MOB1B: variants seen among roughly 807,000 people sequenced by gnomAD.
MOB1B encodes MOB1 Mps One Binder homolog B.
Under a neutral mutation model 24.4 loss-of-function variants are expected in MOB1B, and 19 were observed. That is an observed-to-expected ratio of 0.78 (90% CI 0.54 to 1.14). MOB1B has a LOEUF of 1.14. Ranked by LOEUF, MOB1B falls within the 50% of genes most tolerant of loss-of-function variation. The pLI, the probability that MOB1B is intolerant of heterozygous loss-of-function variation, is 0.00. For synonymous variants in MOB1B, 76 were observed against 82.1 expected (o/e 0.93, Z 0.40); for missense variants, 243 against 259.6 (o/e 0.94, Z 0.44).
At chr4:70,919,349 T>G (rs1476318696) in intron 1 of MOB1B, among the ~76,000 whole-genome samples, 2 of 152,028 alleles carry the variant, frequency 1.3e-5, no homozygotes, top group Non-Finnish European at 2.9e-5. Context: ...AAACTGAAGT[T>G]TGATTTTGGA....
intron 1 of MOB1B, among the ~76,000 whole-genome samples, chr4:70,935,857 T>TA (rs1737062658): frequency 7.1e-6 from 1 of 141,384 alleles, no homozygotes; most frequent in Non-Finnish European, 1.5e-5. Flanking sequence ...ATTTTTTTTT[T>TA]TTTTTTTTTT....
rs1176972712 is a variant in MOB1B, at chr4:70,987,926, G to C, written c.*5869G>C. The C allele has an allele frequency of 6.6e-6, 1 of 152,578 alleles. No homozygotes were observed. The highest frequency in any genetic ancestry group is 1.5e-5 in the Non-Finnish European group (1 of 68,016). 9.5% of individuals were successfully genotyped at this position (152,578 alleles called of 1,614,324 possible). On this transcript the variant is annotated 3_prime_UTR_variant, in exon 6 of 6. Coordinates refer to ENST00000309395, the MANE Select transcript of MOB1B (RefSeq NM_173468.4). ...CAACATAGGCGCTATATTACAAACT[G>C]TGCCGGATTATGCAAATTGTAGTTG...
intron 1 of MOB1B, among the ~76,000 whole-genome samples, chr4:70,917,780 T>C (rs1736252583): frequency 6.6e-6 from 1 of 152,244 alleles, no homozygotes; most frequent in Non-Finnish European, 1.5e-5. Flanking sequence ...AATGTTTAAA[T>C]GGCCCATCAG....
At chr4:70,910,383 C>A (rs191660926) in intron 1 of MOB1B, among the ~76,000 whole-genome samples, 3 of 151,574 alleles carry the variant, frequency 2.0e-5, no homozygotes, top group African/African-American at 7.3e-5. Context: ...AAAATTATAT[C>A]TATATATAGA....
chr4:70,904,787 G>C (rs1735672463), intron 1 of MOB1B, among the ~76,000 whole-genome samples: 1 of 150,514 alleles, frequency 6.6e-6, no homozygotes, highest in Admixed American at 6.6e-5. Context: ...GGTTAAAGCA[G>C]GGAAGAGCCA....
intron 1 of MOB1B, among the ~76,000 whole-genome samples, chr4:70,947,454 C>T (rs952955684): frequency 4.6e-5 from 7 of 151,834 alleles, no homozygotes; most frequent in African/African-American, 1.7e-4. Context: ...TTTTCCCCCC[C>T]GCCAGAGATG....
At chr4:70,944,120 C>T (rs1737473386) in intron 1 of MOB1B, among the ~76,000 whole-genome samples, 2 of 152,208 alleles carry the variant, frequency 1.3e-5, no homozygotes, top group East Asian at 3.9e-4. Flanking sequence ...TTTCAACCTC[C>T]ACCTTTCAGG....
chr4:70,902,266 G>A (rs552201638), upstream of MOB1B: 7 of 571,510 alleles, frequency 1.2e-5, no homozygotes, highest in African/African-American at 1.2e-4. Context: ...GCGGCGGGGA[G>A]CTGGGGAGGG....
At chr4:70,929,546 C>G (rs1021795639) in intron 1 of MOB1B, among the ~76,000 whole-genome samples, 7 of 152,034 alleles carry the variant, frequency 4.6e-5, no homozygotes, top group Non-Finnish European at 8.8e-5. Context: ...AGTGGCCCAA[C>G]AACTGCTTAT....
intron 1 of MOB1B, among the ~76,000 whole-genome samples, chr4:70,903,786 A>G (rs531223598): frequency 2.0e-5 from 3 of 151,920 alleles, no homozygotes; most frequent in East Asian, 3.9e-4. Context: ...AGGCTGACCT[A>G]GGGGCAGACT....
At chr4:70,943,947 A>G (rs551815118) in intron 1 of MOB1B, among the ~76,000 whole-genome samples, 29 of 152,352 alleles carry the variant, frequency 1.9e-4, no homozygotes, top group African/African-American at 5.5e-4. Context: ...CAAAATGAAT[A>G]TTTAGAATGA....
At chr4:70,932,728 T>C (rs1007061662) in intron 1 of MOB1B, among the ~76,000 whole-genome samples, 4 of 152,246 alleles carry the variant, frequency 2.6e-5, no homozygotes, top group Non-Finnish European at 5.9e-5. Context: ...TACATGTTTC[T>C]GGCTTTTGTT....
intron 1 of MOB1B, 186 bp from the exon 2 acceptor site, chr4:70,958,687 CT>C (rs745999197): frequency 9.6e-6 from 7 of 729,816 alleles, no homozygotes; most frequent in Non-Finnish European, 1.7e-5. Flanking sequence ...AAAAATTTTT[CT>C]TTTTGTGAGT....
At chr4:70,955,256 A>G (rs1024098609) in intron 1 of MOB1B, among the ~76,000 whole-genome samples, 7 of 152,010 alleles carry the variant, frequency 4.6e-5, no homozygotes, top group Non-Finnish European at 1.0e-4. Context: ...TGTAGTTCTC[A>G]TGTACTCTTG....
intron 1 of MOB1B, among the ~76,000 whole-genome samples, chr4:70,917,363 C>CA (rs1736235143): frequency 1.3e-5 from 2 of 152,166 alleles, no homozygotes; most frequent in Admixed American, 1.3e-4. Context: ...GAAAAACATT[C>CA]AAAGATAAGA....
chr4:70,922,205 AC>A (rs1316058216), intron 1 of MOB1B, among the ~76,000 whole-genome samples: 1 of 152,242 alleles, frequency 6.6e-6, no homozygotes, highest in African/African-American at 2.4e-5. Context: ...ATAGATAAGA[AC>A]AATTCCACAA....
intron 1 of MOB1B, among the ~76,000 whole-genome samples, chr4:70,933,059 A>G (rs1427030923): frequency 6.6e-6 from 1 of 152,200 alleles, no homozygotes. Context: ...CAGGCTGTGT[A>G]GGAGGCATGG....
chr4:70,981,334 A>G (rs1336021664), intron 5 of MOB1B, among the ~76,000 whole-genome samples: 2 of 152,184 alleles, frequency 1.3e-5, no homozygotes, highest in Admixed American at 6.5e-5. Flanking sequence ...ACAAGCCTCT[A>G]TTTACTAGCC....
chr4:70,948,576 T>A (rs1211823364), intron 1 of MOB1B, among the ~76,000 whole-genome samples: 1 of 152,242 alleles, frequency 6.6e-6, no homozygotes, highest in Non-Finnish European at 1.5e-5. Context: ...ATAGTGTCTC[T>A]GTTATTTCTA....
Sources: gnomAD v4.1 joint callset for allele counts (sites outside exome capture counted in the v4.1 genomes callset) on GRCh38, gnomAD v4.1.1 for gene constraint, MANE v1.5 for transcripts, NCBI Gene and HGNC (gene_info 2026-07-23, HGNC 2026-07-21) for gene names.